The following CDH8 variants were observed in gnomAD, a reference collection of about 807,000 sequenced individuals.
The protein encoded by CDH8 is cadherin 8.
In CDH8, 17 loss-of-function variants were observed where a neutral mutation model predicts 68.1. That is an observed-to-expected ratio of 0.25 (90% CI 0.17 to 0.37). CDH8 has a LOEUF of 0.37. Among genes scored for constraint, CDH8 ranks in the 10% least tolerant of loss-of-function variants. The pLI, the probability that CDH8 is intolerant of heterozygous loss-of-function variation, is 1.00. For synonymous variants in CDH8, 372 were observed against 365.1 expected, an observed-to-expected ratio of 1.02 and a Z score of -0.21; for missense variants, 763 against 999.3, an observed-to-expected ratio of 0.76 and a Z score of 3.19.
intron 2 of CDH8, among the ~76,000 whole-genome samples, chr16:61,942,131 A>T (rs1567537772): frequency 6.6e-6 from 1 of 151,940 alleles, no homozygotes; most frequent in African/African-American, 2.4e-5. Flanking sequence ...GATCATTTTG[A>T]TTTTTTTTAA....
At chr16:61,912,194 T>C (rs1025725184) in intron 2 of CDH8, among the ~76,000 whole-genome samples, 2 of 152,048 alleles carry the variant, frequency 1.3e-5, no homozygotes, top group South Asian at 2.1e-4. Context: ...CAAAATGCTA[T>C]GAACTTGGAA....
At chr16:61,678,218 C>T (rs1963949961) in intron 10 of CDH8, among the ~76,000 whole-genome samples, 1 of 152,074 alleles carries the variant, frequency 6.6e-6, no homozygotes, top group African/African-American at 2.4e-5. Flanking sequence ...ATTGAAGTCT[C>T]ATGTCTCTCT....
intron 8 of CDH8, among the ~76,000 whole-genome samples, chr16:61,779,467 G>A (rs908622820): frequency 3.6e-5 from 5 of 138,482 alleles, no homozygotes; most frequent in East Asian, 3.3e-4. Flanking sequence ...GTGTGTGTGC[G>A]CGCATGGTGA....
intron 2 of CDH8, among the ~76,000 whole-genome samples, chr16:62,002,950 A>T (rs1965916748): frequency 1.3e-5 from 2 of 152,136 alleles, no homozygotes; most frequent in South Asian, 4.1e-4. Context: ...CTACTCGGGA[A>T]GCTGAGGCGG....
At chr16:61,917,632 C>T (rs1964265275) in intron 2 of CDH8, among the ~76,000 whole-genome samples, 1 of 152,138 alleles carries the variant, frequency 6.6e-6, no homozygotes, top group African/African-American at 2.4e-5. Flanking sequence ...AGTAACAAAT[C>T]CACATGTTGT....
chr16:61,874,394 T>C (rs1963424289), intron 3 of CDH8, among the ~76,000 whole-genome samples: 1 of 151,958 alleles, frequency 6.6e-6, no homozygotes, highest in South Asian at 2.1e-4. Flanking sequence ...TGCAGTGGTG[T>C]GATCTCAGCT....
chr16:61,751,166 A>G (rs372580634), intron 8 of CDH8, among the ~76,000 whole-genome samples: 2 of 152,004 alleles, frequency 1.3e-5, no homozygotes, highest in African/African-American at 4.8e-5. Context: ...TCAAACAATT[A>G]ATAAATACCG....
At chr16:61,821,162 A>T in intron 5 of CDH8, 49 bp from the exon 6 acceptor site, 1 of 1,433,964 alleles carries the variant, frequency 7.0e-7, no homozygotes, top group Admixed American at 1.9e-5. Flanking sequence ...CCAACCATTC[A>T]TTCATTCATA....
At chr16:61,715,834 G>GA (rs1964721103) in intron 9 of CDH8, among the ~76,000 whole-genome samples, 1 of 151,670 alleles carries the variant, frequency 6.6e-6, no homozygotes, top group Admixed American at 6.6e-5. Context: ...CAGCCTGCAA[G>GA]TAAAAATATT....
intron 3 of CDH8, among the ~76,000 whole-genome samples, chr16:61,860,465 G>C (rs1231357383): frequency 6.6e-6 from 1 of 152,056 alleles, no homozygotes; most frequent in African/African-American, 2.4e-5. Flanking sequence ...AAAGACACCA[G>C]AGTTACCGAA....
At chr16:61,950,257 C>G (rs975048114) in intron 2 of CDH8, among the ~76,000 whole-genome samples, 1 of 152,110 alleles carries the variant, frequency 6.6e-6, no homozygotes, top group Non-Finnish European at 1.5e-5. Flanking sequence ...TCCTCTCTGA[C>G]TTCTCTGTTG....
intron 8 of CDH8, among the ~76,000 whole-genome samples, chr16:61,736,112 A>AAAGAAAGAAAGGAAGGAAGGAAGG (rs776989465): frequency 1.6e-4 from 19 of 116,530 alleles, no homozygotes; most frequent in East Asian, 1.0e-3. Flanking sequence ...AGAAAGAAAG[A>AAAGAAAGAAAGGAAGGAAGGAAGG]AAGGAAGGAA....
At chr16:61,691,706 T>C (rs2078023839) in intron 10 of CDH8, 1 of 151,484 alleles carries the variant, frequency 6.6e-6, no homozygotes. Context: ...TTGTTAAATG[T>C]ACCTGAACAG....
intron 2 of CDH8, among the ~76,000 whole-genome samples, chr16:61,935,731 G>A (rs1006740193): frequency 6.6e-6 from 1 of 152,092 alleles, no homozygotes. Context: ...AAGTATGTAA[G>A]ACACTTGTGT....
At chr16:61,727,065 T>C (rs777230396) in intron 9 of CDH8, 29 bp downstream of exon 9, 1 of 1,608,338 alleles carries the variant, frequency 6.2e-7, no homozygotes. Flanking sequence ...TACAAACATA[T>C]TCAGCATTAA....
At chr16:61,960,419 G>A (rs201721942) in intron 2 of CDH8, among the ~76,000 whole-genome samples, 1 of 124,394 alleles carries the variant, frequency 8.0e-6, no homozygotes, top group Non-Finnish European at 1.7e-5. Flanking sequence ...ATATGTGTGT[G>A]TGTATACACA....
chr16:61,789,799 G>T (rs1190577928), intron 7 of CDH8, among the ~76,000 whole-genome samples: 1 of 152,070 alleles, frequency 6.6e-6, no homozygotes, highest in Non-Finnish European at 1.5e-5. Flanking sequence ...GACAGCTTAT[G>T]ATAATTAGCA....
chr16:61,931,821 A>C (rs1288109546), intron 2 of CDH8, among the ~76,000 whole-genome samples: 2 of 152,212 alleles, frequency 1.3e-5, no homozygotes, highest in African/African-American at 2.4e-5. Context: ...ATTTCTGCTG[A>C]AAACATAACA....
At chr16:61,784,259 A>T (rs935355110) in intron 8 of CDH8, among the ~76,000 whole-genome samples, 1 of 151,980 alleles carries the variant, frequency 6.6e-6, no homozygotes, top group African/African-American at 2.4e-5. Context: ...AAGCAAATGG[A>T]AAACAAAAAA....
Sources: allele counts gnomAD v4.1 joint callset (sites outside exome capture counted in the v4.1 genomes callset), GRCh38; gene constraint gnomAD v4.1.1; transcripts MANE v1.5; gene names NCBI Gene and HGNC (gene_info 2026-07-23, HGNC 2026-07-21).